The following TAS2R30 variants were observed in gnomAD, a reference collection of about 807,000 sequenced individuals.
The protein encoded by TAS2R30 is taste receptor type 2 member 30.
For synonymous variants in TAS2R30, 141 were observed against 131.6 expected (o/e 1.07, Z -0.49); for missense variants, 395 against 371.6 (o/e 1.06, Z -0.52).
chr12:11,133,120 T>TACACACAC (rs10645657), exon 1 of TAS2R30: 13 of 497,308 alleles, frequency 2.6e-5, no homozygotes, highest in Non-Finnish European at 4.1e-5. Flanking sequence ...CAGTTTTTCA[T>TACACACAC]ACACACACAC....
chr12:11,133,468 A>G, exon 1 of TAS2R30: 5 of 1,614,132 alleles, frequency 3.1e-6, no homozygotes, highest in Non-Finnish European at 4.2e-6. Flanking sequence ...ACATGAAGAC[A>G]GGTTGCTTTT....
chr12:11,133,152 T>G, exon 1 of TAS2R30: 2 of 1,024,458 alleles, frequency 2.0e-6, no homozygotes, highest in Non-Finnish European at 2.7e-6. Flanking sequence ...CATCTATATA[T>G]ATGTACTTTT....
At chr12:11,133,652 A>C in the TAS2R30 span, 1 of 1,614,268 alleles carries the variant, frequency 6.2e-7, no homozygotes, top group Non-Finnish European at 8.5e-7. Context: ...AGAACAGATT[A>C]ACAGCAGAAA....
exon 1 of TAS2R30, chr12:11,134,308 A>G: frequency 7.9e-7 from 1 of 1,261,424 alleles, no homozygotes; most frequent in East Asian, 2.5e-5. Flanking sequence ...TGATTGCTTG[A>G]ATATCCTGAC....
exon 1 of TAS2R30, chr12:11,133,620 T>A (rs201329245): frequency 4.3e-6 from 7 of 1,614,264 alleles, no homozygotes; most frequent in Non-Finnish European, 5.9e-6. Flanking sequence ...TGGAGCTGCA[T>A]CTTCTTGAGA....
chr12:11,134,384 G>T (rs930834600), exon 1 of TAS2R30: 42 of 1,086,942 alleles, frequency 3.9e-5, no homozygotes, highest in Non-Finnish European at 4.9e-5. Flanking sequence ...TAATTGCTGT[G>T]ACCAGTGTCA....
At chr12:11,133,537 C>CA in the TAS2R30 span, 1,113 of 1,533,376 alleles carry the variant, frequency 7.3e-4, no homozygotes, top group African/African-American at 3.7e-3. Flanking sequence ...TGGCACATAA[C>CA]AGAAGAAAGG....
the TAS2R30 span, chr12:11,133,488 CA>C: frequency 1.2e-6 from 2 of 1,610,624 alleles, no homozygotes; most frequent in Non-Finnish European, 1.7e-6. Context: ...TCCAGCCTCC[CA>C]AAATTACAAA....
Position 11,133,414 on chromosome 12 carries a change from G to T in TAS2R30, c.831C>A (p.Phe277Leu), listed in dbSNP as rs1946433568. The T allele has an allele frequency of 1.9e-6, 3 of 1,613,860 alleles. No individual in the cohort carries two copies. In the South Asian group the frequency reaches 3.3e-5, roughly 18 times the overall value. Residue 277 changes from phenylalanine (F) to leucine (L), a missense_variant, in exon 1 of 1, where the codon TTC (phenylalanine) becomes TTA (leucine). Physicochemically the swap from Phe to Leu is conservative, Grantham distance 22. Coordinates refer to ENST00000539585, the Ensembl canonical transcript of TAS2R30. The stretch of plus-strand genomic sequence containing the variant: ...GCTTCTTGTTTCCCAAAATCAGGAT[G>T]AATGGGTGGGTTGAAGGATAGCTGA...
chr12:11,133,672 G>T, exon 1 of TAS2R30: 1 of 1,614,210 alleles, frequency 6.2e-7, no homozygotes, highest in Non-Finnish European at 8.5e-7. Context: ...AAGATATCAG[G>T]GTCAGAGTGA....
At chr12:11,133,862 A>G (rs749584810) in exon 1 of TAS2R30, 2 of 1,614,166 alleles carry the variant, frequency 1.2e-6, no homozygotes, top group Admixed American at 1.7e-5. Context: ...CACCAGAACA[A>G]CACTCTTAAC....
exon 1 of TAS2R30, chr12:11,133,384 C>A (rs1476284430): frequency 6.2e-7 from 1 of 1,613,910 alleles, no homozygotes; most frequent in East Asian, 2.2e-5. Context: ...GAAAAATCTG[C>A]TTTAGCTTCT....
At chr12:11,133,770 C>T in exon 1 of TAS2R30, 1 of 1,614,164 alleles carries the variant, frequency 6.2e-7, no homozygotes, top group Non-Finnish European at 8.5e-7. Context: ...ACGTTTCCTT[C>T]ATATTCTTTT....
chr12:11,133,857 G>A, exon 1 of TAS2R30: 1 of 1,614,124 alleles, frequency 6.2e-7, no homozygotes, highest in South Asian at 1.1e-5. Flanking sequence ...AGTATCACCA[G>A]AACAACACTC....
At chr12:11,133,071 T>G in exon 1 of TAS2R30, 1 of 553,702 alleles carries the variant, frequency 1.8e-6, no homozygotes, top group Non-Finnish European at 2.8e-6. Flanking sequence ...GCAGTTTTTG[T>G]GAAAAAACAA....
At chr12:11,134,186 C>T (rs2136373822) in exon 1 of TAS2R30, 1 of 1,613,756 alleles carries the variant, frequency 6.2e-7, no homozygotes, top group East Asian at 2.2e-5. Context: ...AGCAAAATTT[C>T]CAATAACAAA....
chr12:11,133,549 G>C (rs755516536), exon 1 of TAS2R30: 4 of 1,614,084 alleles, frequency 2.5e-6, no homozygotes, highest in Non-Finnish European at 3.4e-6. Context: ...GAAGAAAGGA[G>C]GTCACAGTTT....
exon 1 of TAS2R30, chr12:11,133,886 C>G: frequency 6.2e-7 from 1 of 1,614,032 alleles, no homozygotes; most frequent in Non-Finnish European, 8.5e-7. Context: ...CCTCTTTATG[C>G]GAAGAAAAAT....
exon 1 of TAS2R30, chr12:11,133,957 G>C (rs747573449): frequency 6.2e-7 from 1 of 1,614,104 alleles, no homozygotes; most frequent in South Asian, 1.1e-5. Flanking sequence ...TAGCAAGCCA[G>C]CTGCTGAAAT....
Sources: gnomAD v4.1 joint callset for allele counts on GRCh38, gnomAD v4.1.1 for gene constraint, MANE v1.5 for transcripts, NCBI Gene and HGNC (gene_info 2026-07-23, HGNC 2026-07-21) for gene names.